The following XPR1 variants were observed in gnomAD, a reference collection of about 807,000 sequenced individuals.
The protein encoded by XPR1 is solute carrier family 53 member 1.
XPR1 carries 28 observed loss-of-function variants against 87.5 expected under a neutral mutation model. That is an observed-to-expected ratio of 0.32 (90% CI 0.24 to 0.44). The LOEUF (loss-of-function observed/expected upper bound fraction) is 0.44, where lower values mean the gene tolerates loss of function less well. Ranked by LOEUF, XPR1 falls within the 20% of genes least tolerant of loss-of-function variation. The probability of loss-of-function intolerance (pLI) is 1.00; values close to 1 mark genes in which losing one functional copy is unlikely to be tolerated. For synonymous variants in XPR1, 300 were observed against 306.1 expected (o/e 0.98, Z 0.21); for missense variants, 559 against 862.3 (o/e 0.65, Z 4.41).
At chr1:180,849,711 G>T (rs1186992179) in intron 11 of XPR1, among the ~76,000 whole-genome samples, 1 of 152,244 alleles carries the variant, frequency 6.6e-6, no homozygotes, top group Non-Finnish European at 1.5e-5. Flanking sequence ...TACTGGGTGA[G>T]AGTGTGGGCT....
chr1:180,813,700 TATAGTCAAGGACTTTTAAGGACAG>T (rs1650305757), intron 7 of XPR1, among the ~76,000 whole-genome samples: 2 of 152,186 alleles, frequency 1.3e-5, no homozygotes, highest in African/African-American at 4.8e-5. Context: ...CAAAGCTTCT[TATAGTCAAGGACTTTTAAGGACAG>T]ATAACCTTGG....
intron 9 of XPR1, among the ~76,000 whole-genome samples, chr1:180,833,137 T>A (rs1651132894): frequency 6.6e-6 from 1 of 152,166 alleles, no homozygotes; most frequent in African/African-American, 2.4e-5. Context: ...GAATGGGAGT[T>A]CACTCATGAT....
rs550418271 is a variant in XPR1 at position 180,835,909 on chromosome 1, A to G, written c.1307-613A>G. 9.9e-5 allele frequency among the ~76,000 whole-genome samples: 15 copies of G among 152,200 alleles called. No homozygotes were observed. In the South Asian group the frequency reaches 2.7e-3, roughly 27 times the overall value. On this transcript the variant is annotated intron_variant, in intron 10 of 14. Transcript: ENST00000367590. Reference sequence around the variant, plus strand: ...AGCCAACCCGTTTTTTCCTCCTTCTATTAGTATACTCATCTTCTAATTTTC... The same window carrying G: ...AGCCAACCCGTTTTTTCCTCCTTCTGTTAGTATACTCATCTTCTAATTTTC...
chr1:180,714,352 TCTC>T (rs1657909304), intron 2 of XPR1, among the ~76,000 whole-genome samples: 1 of 25,978 alleles, frequency 3.8e-5, no homozygotes, highest in African/African-American at 2.1e-4. Context: ...TTCCCTGTTC[TCTC>T]TCTCTCTCTC....
chr1:180,709,217 T>C (rs763019181), intron 2 of XPR1, among the ~76,000 whole-genome samples: 17 of 152,238 alleles, frequency 1.1e-4, no homozygotes, highest in Non-Finnish European at 1.9e-4. Flanking sequence ...TGCCCGGCCA[T>C]AAGCATGTAA....
At chr1:180,731,876 C>T (rs1033037192) in intron 2 of XPR1, among the ~76,000 whole-genome samples, 2 of 152,088 alleles carry the variant, frequency 1.3e-5, no homozygotes, top group African/African-American at 4.8e-5. Context: ...AGAGCTTTTA[C>T]GGGTTTTTAA....
chr1:180,680,613 T>C (rs151295121), intron 1 of XPR1, among the ~76,000 whole-genome samples: 2,380 of 152,228 alleles, frequency 0.016, 71 homozygotes, highest in African/African-American at 0.055. Flanking sequence ...TCCGCTCTCC[T>C]CGGCCTCCCA....
chr1:180,672,892 G>T (rs1656232851), intron 1 of XPR1, among the ~76,000 whole-genome samples: 1 of 152,114 alleles, frequency 6.6e-6, no homozygotes, highest in Non-Finnish European at 1.5e-5. Flanking sequence ...ATTAACAGGG[G>T]TTATGACTCC....
intron 2 of XPR1, among the ~76,000 whole-genome samples, chr1:180,703,267 A>C (rs1288919150): frequency 6.6e-6 from 1 of 152,104 alleles, no homozygotes; most frequent in African/African-American, 2.4e-5. Context: ...GTTGATTCCC[A>C]GGTCACTAGT....
chr1:180,839,995 G>A (rs552912439), intron 11 of XPR1, among the ~76,000 whole-genome samples: 26 of 151,662 alleles, frequency 1.7e-4, no homozygotes, highest in Middle Eastern at 3.4e-3. Flanking sequence ...AGGCCGAGGC[G>A]GGTGGATCAT....
At chr1:180,674,091 T>C (rs539784395) in intron 1 of XPR1, among the ~76,000 whole-genome samples, 100 of 152,386 alleles carry the variant, frequency 6.6e-4, no homozygotes, top group South Asian at 2.9e-3. Flanking sequence ...GTTATGCATG[T>C]ATGATCATGA....
chr1:180,765,092 A>G (rs1292068043), intron 2 of XPR1, among the ~76,000 whole-genome samples: 1 of 152,114 alleles, frequency 6.6e-6, no homozygotes, highest in African/African-American at 2.4e-5. Flanking sequence ...GCCCTTATGG[A>G]TAATTTTTTA....
chr1:180,686,524 C>G (rs182706152), intron 2 of XPR1, among the ~76,000 whole-genome samples: 10 of 152,230 alleles, frequency 6.6e-5, no homozygotes, highest in African/African-American at 2.2e-4. Flanking sequence ...GAGCTGAGTT[C>G]AATTCCTGGG....
At chr1:180,664,309 C>A (rs1434271047) in intron 1 of XPR1, among the ~76,000 whole-genome samples, 1 of 152,148 alleles carries the variant, frequency 6.6e-6, no homozygotes, top group Non-Finnish European at 1.5e-5. Context: ...TACCTGTTTA[C>A]CACTGCTGCT....
chr1:180,748,015 C>T (rs1473989422), intron 2 of XPR1, among the ~76,000 whole-genome samples: 3 of 152,214 alleles, frequency 2.0e-5, no homozygotes, highest in Non-Finnish European at 4.4e-5. Context: ...TTATGTGAAT[C>T]ATATTATAAA....
intron 2 of XPR1, among the ~76,000 whole-genome samples, chr1:180,743,902 T>C (rs188890478): frequency 6.6e-6 from 1 of 152,328 alleles, no homozygotes; most frequent in African/African-American, 2.4e-5. Flanking sequence ...CAAGAGTTAA[T>C]TTTGTCTTTA....
intron 2 of XPR1, among the ~76,000 whole-genome samples, chr1:180,708,917 G>A (rs1425473540): frequency 1.8e-5 from 2 of 114,146 alleles, no homozygotes; most frequent in Admixed American, 8.6e-5. Flanking sequence ...TTTGGGGGGG[G>A]GGGGGCGGGG....
chr1:180,810,223 G>A (rs992340751), intron 6 of XPR1, among the ~76,000 whole-genome samples: 20 of 151,934 alleles, frequency 1.3e-4, no homozygotes, highest in Admixed American at 1.0e-3. Context: ...CTACATACAC[G>A]GGAGATTTGG....
intron 2 of XPR1, among the ~76,000 whole-genome samples, chr1:180,728,997 C>G (rs1038880258): frequency 6.6e-6 from 1 of 152,112 alleles, no homozygotes; most frequent in Non-Finnish European, 1.5e-5. Context: ...CTCCTGCCAC[C>G]CTCCACCCTC....
Sources: gnomAD v4.1 joint callset for allele counts (sites outside exome capture counted in the v4.1 genomes callset) on GRCh38, gnomAD v4.1.1 for gene constraint, MANE v1.5 for transcripts, NCBI Gene and HGNC (gene_info 2026-07-23, HGNC 2026-07-21) for gene names.